SPINK5: variants seen among roughly 807,000 people sequenced by gnomAD.
SPINK5 encodes the protein serine peptidase inhibitor Kazal type 5.
Under a neutral mutation model 151.8 loss-of-function variants are expected in SPINK5, and 125 were observed. The observed-to-expected ratio is 0.82, with a 90% CI of 0.71 to 0.96. SPINK5 has a LOEUF of 0.96. Ranked by LOEUF, SPINK5 falls within the 40% of genes least tolerant of loss-of-function variation. The pLI is 0.00. For missense variants in SPINK5, 1,194 were observed against 1,291.9 expected (o/e 0.92, Z 1.16); for synonymous variants, 374 against 395.3 (o/e 0.95, Z 0.64).
At chr5:148,085,112 GCTTAT>G (rs1753118875) in intron 4 of SPINK5, among the ~76,000 whole-genome samples, 1 of 151,796 alleles carries the variant, frequency 6.6e-6, no homozygotes, top group African/African-American at 2.4e-5. Context: ...TATGGCCACT[GCTTAT>G]CTTATTTTCA....
chr5:148,084,021 G>A (rs890102163), intron 4 of SPINK5, among the ~76,000 whole-genome samples: 2 of 151,176 alleles, frequency 1.3e-5, no homozygotes, highest in African/African-American at 4.9e-5. Context: ...CTTCTTTCTT[G>A]TTATTGTTTT....
At position 148,100,617 on chromosome 5, in the gene SPINK5, A is replaced by G. The variant is rs993271751; in HGVS notation, c.1220+36A>G. The G allele has an allele frequency of 8.1e-6, 13 of 1,609,648 alleles. No homozygotes were observed. The Admixed American group carries it at 1.7e-4, about 21-fold the overall frequency. On this transcript the variant is annotated intron_variant, in intron 13 of 32. Coordinates refer to ENST00000256084, the MANE Select transcript of SPINK5 (RefSeq NM_006846.4). ...CTGCAGCTGGGAACATGGAGGAATG[A>G]TTTTGTTCTTTCTATTTCATTTCCA... is the stretch of plus-strand genomic sequence containing the variant.
Position 148,123,699 on chromosome 5 carries a change from C to T in SPINK5, c.2539-134C>T, listed in dbSNP as rs1269098391. On this transcript the variant is annotated intron_variant, in intron 26 of 32. Coordinates refer to ENST00000256084, the MANE Select transcript of SPINK5 (RefSeq NM_006846.4). The stretch of plus-strand genomic sequence containing the variant: ...GAGATTGAATAAAGTGCCTTTAAAA[C>T]ATATTTCTTCTCTGAAATTTCACTT... The T allele has an allele frequency of 5.4e-6, 7 of 1,288,858 alleles. 1 individual carries two copies. Among genetic ancestry groups the T allele is most frequent in the South Asian group, 3.8e-5 (3 of 78,312 alleles). The allele number at this position is 1,288,858 out of a possible 1,614,324, so 79.8% of individuals were successfully genotyped here.
rs1260851843 is a variant in SPINK5, at chr5:148,070,445, G to C, written c.204G>C (p.Met68Ile). 1 of 1,612,392 alleles carries C rather than the reference G, an allele frequency of 6.2e-7. No individual in the cohort carries two copies. The highest frequency in any genetic ancestry group is 1.1e-5 in the South Asian group (1 of 91,038). Reference sequence around the variant, plus strand: ...TCAATAAATGTGCCACGTGCAAAATGATACTGTGAGTAAAGGTTTCTTTCT... The same window carrying C: ...TCAATAAATGTGCCACGTGCAAAATCATACTGTGAGTAAAGGTTTCTTTCT... ...MFINKCATCK[M>I]ILEKEAKSQK... Residue 68 changes from methionine (M) to isoleucine (I), a missense_variant, in exon 3 of 33, where the codon ATG (methionine) becomes ATC (isoleucine). By Grantham distance (10) the Met-to-Ile change is conservative. Transcript: ENST00000256084.
chr5:148,095,952 G>T (rs1421585146), intron 10 of SPINK5, 47 bp downstream of exon 10: 28 of 1,403,560 alleles, frequency 2.0e-5, no homozygotes, highest in Middle Eastern at 1.8e-4. Context: ...GTGTGTGTGG[G>T]GGGGTGCGTG....
intron 11 of SPINK5, among the ~76,000 whole-genome samples, chr5:148,098,215 G>T (rs1581077950): frequency 6.6e-6 from 1 of 152,136 alleles, no homozygotes; most frequent in Non-Finnish European, 1.5e-5. Context: ...GCACTGGAAT[G>T]TCCTGACAAA....
At chr5:148,099,169 G>T in intron 11 of SPINK5, 65 bp from the exon 12 acceptor site, 1 of 1,440,238 alleles carries the variant, frequency 6.9e-7, no homozygotes, top group South Asian at 1.2e-5. Context: ...ACAGTGCAAG[G>T]ATGTGGAGAA....
At position 148,120,337 on chromosome 5, in the gene SPINK5, CAGGAGCAATACAGGAGAA is replaced by C. The variant is rs554634510; in HGVS notation, c.2512_2529del (p.Thr838_Asn843del). On this transcript the variant is annotated inframe_deletion, in exon 26 of 33. Transcript: ENST00000256084. ...AAAAAAAAAAGAAAGAGGATGAAGA[CAGGAGCAATACAGGAGAA>C]AGGAGCAATACAGGAGAAAGGAGCA... 1,157 of 1,604,276 alleles carry C rather than the reference CAGGAGCAATACAGGAGAA, an allele frequency of 7.2e-4. 4 individuals are homozygous for C. Among genetic ancestry groups the C allele is most frequent in the Non-Finnish European group, 8.7e-4 (1,018 of 1,174,670 alleles).
chr5:148,111,877 C>G lies in SPINK5; in HGVS notation c.1802C>G (p.Ser601Cys), dbSNP rs1419043844. ...LDGKIHGNTC[S>C]MCEAFFQQEA... ...GGGAAAATCCACGGCAACACCTGCT[C>G]CATGTGTGAAGCCTTCTTGTGAGTG... Residue 601 changes from serine to cysteine, a missense_variant, in exon 19 of 33, where the codon TCC becomes TGC. Transcript: ENST00000256084. 6.2e-7 allele frequency: 1 copy of G among 1,613,976 alleles called. No individual in the cohort carries two copies. The highest frequency in any genetic ancestry group is 2.2e-5 in the East Asian group (1 of 44,868).
rs184189005 is a variant in SPINK5, at chr5:148,120,064, G to A, written c.2369G>A (p.Arg790Gln). The change falls in exon 25 of 33, where the codon CGA becomes CAA. Residue 790 changes from arginine to glutamine, a missense_variant. Arg to Gln is a conservative substitution (Grantham distance 43). Coordinates refer to ENST00000256084, the MANE Select transcript of SPINK5 (RefSeq NM_006846.4). ...AAAAATGGAAAACTCATCTGCACTC[G>A]AGAAAGTGACCCTGTCCGGGGTCCA... is the stretch of plus-strand genomic sequence containing the variant. ...QMKNGKLICT[R>Q]ESDPVRGPDG... 2.8e-5 allele frequency: 45 copies of A among 1,614,024 alleles called. No homozygotes were observed. Among genetic ancestry groups the A allele is most frequent in the Admixed American group, 2.0e-4 (12 of 60,018 alleles).
Position 148,097,951 on chromosome 5 carries a change from G to A in SPINK5, c.967G>A (p.Gly323Arg), listed in dbSNP as rs1285805723. Residue 323 changes from glycine (G) to arginine (R), a missense_variant, in exon 11 of 33, where the codon GGG (glycine) becomes AGG (arginine). By Grantham distance (125) the Gly-to-Arg change is moderately radical (BLOSUM62 -2). Coordinates refer to ENST00000256084, the MANE Select transcript of SPINK5 (RefSeq NM_006846.4). ...AAATGACCCTATTCGTGGTCCAGAT[G>A]GGAAAATGCATGGCAACTTGTGTTC... ...RENDPIRGPD[G>R]KMHGNLCSMC... The A allele has an allele frequency of 6.2e-7, 1 of 1,612,222 alleles. No homozygotes were observed. Among genetic ancestry groups the A allele is most frequent in the East Asian group, 2.2e-5 (1 of 44,782 alleles).
Position 148,086,510 on chromosome 5 carries a change from T to TGTGC in SPINK5, c.389_392dup (p.Leu132CysfsTer5), listed in dbSNP as rs756874525. ...AGATGGGAAAACATATGACAACAGATGTGCACTGTGTGCTGAGAATGCGTG... is the reference window on the plus strand; with the variant it reads ...AGATGGGAAAACATATGACAACAGATGTGCGTGCACTGTGTGCTGAGAATGCGTG... On this transcript the variant is annotated frameshift_variant, in exon 5 of 33. Transcript: ENST00000256084. LOFTEE classifies it high-confidence loss of function. The TGTGC allele has an allele frequency of 8.1e-6, 13 of 1,611,530 alleles. No individual in the cohort carries two copies. In the African/African-American group the frequency reaches 1.5e-4, roughly 18 times the overall value.
intron 31 of SPINK5, among the ~76,000 whole-genome samples, chr5:148,133,225 T>TCA (rs1351858110): frequency 2.6e-5 from 4 of 152,196 alleles, no homozygotes; most frequent in Non-Finnish European, 4.4e-5. Flanking sequence ...TAGAGAAAGT[T>TCA]ATATGAGAGC....
At chr5:148,083,182 T>C (rs1468192101) in intron 4 of SPINK5, among the ~76,000 whole-genome samples, 3 of 151,568 alleles carry the variant, frequency 2.0e-5, no homozygotes, top group Non-Finnish European at 3.0e-5. Flanking sequence ...TCATATATTG[T>C]CCTTCTTTGT....
At chr5:148,076,408 A>T (rs1252077338) in intron 4 of SPINK5, among the ~76,000 whole-genome samples, 1 of 151,776 alleles carries the variant, frequency 6.6e-6, no homozygotes, top group Non-Finnish European at 1.5e-5. Context: ...ATAAAAAAGC[A>T]GTGAAAATAA....
At position 148,125,213 on chromosome 5, in the gene SPINK5, T is replaced by C. The variant is rs541198316; in HGVS notation, c.2739+376T>C. Among the ~76,000 whole-genome samples the C allele has an allele frequency of 3.3e-5, 5 of 152,304 alleles. No individual in the cohort carries two copies. The East Asian group carries it at 9.7e-4, about 29-fold the overall frequency. On this transcript the variant is annotated intron_variant, in intron 28 of 32. Coordinates refer to ENST00000256084, the MANE Select transcript of SPINK5 (RefSeq NM_006846.4). ...ATGTTTATTTTAATAATTCAGGCAATATAAACCAATCTAAGTCTCCCTTTT... is the reference window on the plus strand; with the variant it reads ...ATGTTTATTTTAATAATTCAGGCAACATAAACCAATCTAAGTCTCCCTTTT...
chr5:148,068,554 C>CAAAAAAAAAAAAAAAAAAAAAAAAAA (rs1166912306), intron 2 of SPINK5, among the ~76,000 whole-genome samples: 5 of 89,230 alleles, frequency 5.6e-5, no homozygotes, highest in Admixed American at 1.2e-4. Flanking sequence ...CCTGCCTCTC[C>CAAAAAAAAAAAAAAAAAAAAAAAAAA]AAAAAAAAAA....
At chr5:148,108,918 A>T in intron 18 of SPINK5, 81 bp downstream of exon 18, 1 of 1,587,550 alleles carries the variant, frequency 6.3e-7, no homozygotes, top group Non-Finnish European at 8.6e-7. Context: ...CCTCCTCCTC[A>T]TTCCAGTATT....
chr5:148,095,861 T>G lies in SPINK5; in HGVS notation c.838T>G (p.Leu280Val), dbSNP rs1475214096. ...SEENSKTDQN[L>V]GKAEEKTKVK... ...GGAAAACAGTAAAACAGATCAAAAT[T>G]TGGGAAAAGCTGAAGAAAAAACTAA... The change falls in exon 10 of 33, where the codon TTG becomes GTG. Residue 280 changes from leucine (L) to valine (V), a missense_variant. Transcript: ENST00000256084. The G allele has an allele frequency of 6.2e-7, 1 of 1,612,386 alleles. No individual in the cohort carries two copies. The highest frequency in any genetic ancestry group is 2.2e-5 in the East Asian group (1 of 44,788).
Sources: gnomAD v4.1 joint callset for allele counts (sites outside exome capture counted in the v4.1 genomes callset) on GRCh38, gnomAD v4.1.1 for gene constraint, MANE v1.5 for transcripts, NCBI Gene and HGNC (gene_info 2026-07-23, HGNC 2026-07-21) for gene names.